HGFAC: variants seen among roughly 807,000 people sequenced by gnomAD.
HGFAC encodes the protein HGF activator.
A neutral mutation model predicts 70.6 loss-of-function variants in HGFAC; 76 were observed. The observed-to-expected ratio is 1.08, with a 90% CI of 0.89 to 1.30. The LOEUF is 1.30. Ranked by LOEUF, HGFAC falls within the 50% of genes most tolerant of loss-of-function variation. The probability of loss-of-function intolerance (pLI) is 0.00; values close to 1 mark genes in which losing one functional copy is unlikely to be tolerated. For missense variants in HGFAC, 1,044 were observed against 933.7 expected, an observed-to-expected ratio of 1.12 and a Z score of -1.54; for synonymous variants, 464 against 405.3, an observed-to-expected ratio of 1.14 and a Z score of -1.74.
Position 3,442,143 on chromosome 4 carries a change from C to A in HGFAC, c.117+25C>A. 4 of 1,519,574 alleles carry A rather than the reference C, an allele frequency of 2.6e-6. 1 individual carries two copies. The highest frequency in any genetic ancestry group is 2.5e-5 in the South Asian group (2 of 80,818). The allele number at this position is 1,519,574 out of a possible 1,614,324, so 94.1% of individuals were successfully genotyped here. On this transcript the variant is annotated intron_variant, in intron 1 of 13. Transcript: ENST00000382774. ...GGTGAGCACTGACCTTGTCGCAGTGCGACCAGAGGTTCCCAGTGGCTACTT... is the reference window on the plus strand; with the variant it reads ...GGTGAGCACTGACCTTGTCGCAGTGAGACCAGAGGTTCCCAGTGGCTACTT...
upstream of HGFAC, chr4:3,441,860 G>A (rs1188288869): frequency 1.1e-5 from 6 of 528,056 alleles, no homozygotes; most frequent in Non-Finnish European, 1.9e-5. This position sits in a 1 kb window ranked among gnomAD's most constrained non-coding sequence, Gnocchi z 6.0. Context: ...TGGGGGCCAG[G>A]GGACTCGGGG....
intron 13 of HGFAC, 80 bp from the exon 14 acceptor site, chr4:3,449,157 C>T: frequency 7.4e-7 from 1 of 1,349,438 alleles, no homozygotes; most frequent in Non-Finnish European, 1.0e-6. Context: ...GTCCTCTGTC[C>T]CCAAGCTGCC....
upstream of HGFAC, among the ~76,000 whole-genome samples, chr4:3,441,673 C>T (rs1367094988): frequency 4.6e-5 from 7 of 152,200 alleles, no homozygotes; most frequent in Non-Finnish European, 8.8e-5. This position sits in a 1 kb window ranked among gnomAD's most constrained non-coding sequence, Gnocchi z 6.0. Flanking sequence ...GGACTGGGAG[C>T]GGCGCCAGAC....
At chr4:3,444,189 G>A in intron 5 of HGFAC, 28 bp downstream of exon 5, 1 of 1,577,614 alleles carries the variant, frequency 6.3e-7, no homozygotes, top group Admixed American at 1.8e-5. Flanking sequence ...GGTCCGCAGG[G>A]GTCCAGGGGC....
upstream of HGFAC, among the ~76,000 whole-genome samples, chr4:3,441,379 G>A (rs1288396544): frequency 6.6e-6 from 1 of 152,128 alleles, no homozygotes; most frequent in Non-Finnish European, 1.5e-5. This position sits in a 1 kb window ranked among gnomAD's most constrained non-coding sequence, Gnocchi z 6.0. Context: ...AGGCAGGTGG[G>A]GCAGGATCTC....
intron 1 of HGFAC, 59 bp from the exon 2 acceptor site, chr4:3,442,673 C>T: frequency 7.9e-7 from 1 of 1,270,858 alleles, no homozygotes; most frequent in Non-Finnish European, 1.0e-6. Context: ...GACCTCCTGC[C>T]CGGCAGGACC....
In HGFAC at chr4:3,447,904, G is replaced by C. The variant is rs771906305; in HGVS notation, c.1505G>C (p.Arg502Pro). Reference protein sequence around the residue: ...NPSDHDLVLIRLKKKGDRCAT... With the variant: ...NPSDHDLVLIPLKKKGDRCAT... ...CCACTCTTCTGATCAGTCCTGATCC[G>C]GCTGAAGAAGAAAGGGGACCGCTGT... Residue 502 changes from arginine to proline, a missense_variant, in exon 12 of 14, where the codon CGG becomes CCG. Physicochemically the swap from Arg to Pro is moderately radical, Grantham distance 103 (BLOSUM62 -2). Transcript: ENST00000382774. The C allele has an allele frequency of 8.7e-6, 14 of 1,611,158 alleles. No homozygotes were observed. The highest frequency in any genetic ancestry group is 1.7e-4 in the Middle Eastern group (1 of 6,058).
Position 3,444,865 on chromosome 4 carries a change from C to T in HGFAC, c.888C>T (p.Gly296=), listed in dbSNP as rs758966957. 4.0e-5 allele frequency: 64 copies of T among 1,605,778 alleles called. No homozygotes were observed. The highest frequency in any genetic ancestry group is 4.8e-5 in the Non-Finnish European group (57 of 1,177,004). Residue 296 remains glycine, a synonymous_variant, in exon 8 of 14, where the codon GGC becomes GGT. Coordinates refer to ENST00000382774, the MANE Select transcript of HGFAC (RefSeq NM_001528.4). The stretch of plus-strand genomic sequence containing the variant: ...TGGGGAACGGCACTGGGTACCGTGG[C>T]GTGGCCAGCACCTCAGCCTCGGGCC... ...CFLGNGTGYR[G]VASTSASGLS...
At chr4:3,445,663 C>A (rs1577125872) in intron 9 of HGFAC, 1 of 607,836 alleles carries the variant, frequency 1.6e-6, no homozygotes, top group Non-Finnish European at 2.9e-6. Context: ...GCAGGCCCCC[C>A]AGAGGCCACC....
Position 3,445,281 on chromosome 4 carries a change from G to A in HGFAC, c.1033G>A (p.Glu345Lys), listed in dbSNP as rs774968126. ...HAYCRNPDND[E>K]RPWCYVVKDS... ...GCACCGCAGGAATCCGGACAATGAC[G>A]AGAGGCCCTGGTGCTACGTGGTGAA... is the stretch of plus-strand genomic sequence containing the variant. The change falls in exon 9 of 14, where the codon GAG becomes AAG. Residue 345 changes from glutamate (E) to lysine (K), a missense_variant. By Grantham distance (56) the Glu-to-Lys change is moderately conservative. Coordinates refer to ENST00000382774, the MANE Select transcript of HGFAC (RefSeq NM_001528.4). 7 of 1,584,272 alleles carry A rather than the reference G, an allele frequency of 4.4e-6. No homozygotes were observed. Among genetic ancestry groups the A allele is most frequent in the East Asian group, 4.7e-5 (2 of 42,832 alleles).
chr4:3,445,976 C>T, intron 9 of HGFAC, 66 bp from the exon 10 acceptor site: 1 of 1,589,644 alleles, frequency 6.3e-7, no homozygotes, highest in Admixed American at 1.7e-5. Flanking sequence ...CCGGGTAGGG[C>T]CTGTGTGTGG....
Position 3,447,948 on chromosome 4 carries a change from G to T in HGFAC, c.1549G>T (p.Val517Leu), listed in dbSNP as rs758089461. 33 of 1,604,974 alleles carry T rather than the reference G, an allele frequency of 2.1e-5. No individual in the cohort carries two copies. Among genetic ancestry groups the T allele is most frequent in the Middle Eastern group, 3.3e-4 (2 of 6,028 alleles). Residue 517 changes from valine to leucine, a missense_variant, in exon 12 of 14, where the codon GTG becomes TTG. Val to Leu is a conservative substitution (Grantham distance 32). Coordinates refer to ENST00000382774, the MANE Select transcript of HGFAC (RefSeq NM_001528.4). ...CCGCTGTGCCACACGCTCGCAGTTC[G>T]TGCAGCCCATCTGCCTGCCCGAGCC... ...GDRCATRSQF[V>L]QPICLPEPGS...
intron 8 of HGFAC, 111 bp downstream of exon 8, chr4:3,445,104 G>T (rs1224264890): frequency 7.4e-7 from 1 of 1,359,594 alleles, no homozygotes; most frequent in Non-Finnish European, 1.0e-6. Flanking sequence ...GTCCAGACAG[G>T]CCCCGGAACC....
chr4:3,446,233 T>G lies in HGFAC; in HGVS notation c.1294T>G (p.Cys432Gly). 1 of 1,610,664 alleles carries G rather than the reference T, an allele frequency of 6.2e-7. No individual in the cohort carries two copies. Among genetic ancestry groups the G allele is most frequent in the Non-Finnish European group, 8.5e-7 (1 of 1,179,126 alleles). ...CGCCATCTACATCGGGGACAGCTTC[T>G]GCGCCGGGAGCCTGGTCCACACCTG... ...LAAIYIGDSFCAGSLVHTCWV... is the reference protein window; with the variant it reads ...LAAIYIGDSFGAGSLVHTCWV... Residue 432 changes from cysteine (C) to glycine (G), a missense_variant, in exon 10 of 14, where the codon TGC becomes GGC. Physicochemically the swap from Cys to Gly is radical, Grantham distance 159. Coordinates refer to ENST00000382774, the MANE Select transcript of HGFAC (RefSeq NM_001528.4).
chr4:3,444,750 C>T lies in HGFAC; in HGVS notation c.841+17C>T. 6.3e-7 allele frequency: 1 copy of T among 1,579,252 alleles called. No individual in the cohort carries two copies. Among genetic ancestry groups the T allele is most frequent in the Non-Finnish European group, 8.6e-7 (1 of 1,166,496 alleles). ...GCAACATCGGTGAGTGGGTCAGCCCCCCGGGGTGCCCTGGGGCAGTGCCGG... is the reference window on the plus strand; with the variant it reads ...GCAACATCGGTGAGTGGGTCAGCCCTCCGGGGTGCCCTGGGGCAGTGCCGG... On this transcript the variant is annotated intron_variant, in intron 7 of 13. Transcript: ENST00000382774.
chr4:3,446,280 C>G lies in HGFAC; in HGVS notation c.1341C>G (p.His447Gln), dbSNP rs1335896287. ...CCTGCTGGGTGGTGTCGGCCGCCCACTGCTTCTCCCACAGGTGCACCTCCT... is the reference window on the plus strand; with the variant it reads ...CCTGCTGGGTGGTGTCGGCCGCCCAGTGCTTCTCCCACAGGTGCACCTCCT... ...VHTCWVVSAA[H>Q]CFSHSPPRDS... The change falls in exon 10 of 14, where the codon CAC (histidine) becomes CAG (glutamine). Residue 447 changes from histidine (H) to glutamine (Q), a missense_variant. By Grantham distance (24) the His-to-Gln change is conservative. Coordinates refer to ENST00000382774, the MANE Select transcript of HGFAC (RefSeq NM_001528.4). 5 of 1,607,202 alleles carry G rather than the reference C, an allele frequency of 3.1e-6. No homozygotes were observed. Among genetic ancestry groups the G allele is most frequent in the Non-Finnish European group, 4.2e-6 (5 of 1,178,026 alleles).
chr4:3,449,247 G>T lies in HGFAC; in HGVS notation c.1796G>T (p.Gly599Val), dbSNP rs1560195463. ...AACGTCTCTGCCCAGGGGGACTCAG[G>T]GGGGCCCCTGGCCTGCGAGAAGAAC... ...CKSDACQGDS[G>V]GPLACEKNGV... Residue 599 changes from glycine (G) to valine (V), a missense_variant, in exon 14 of 14, where the codon GGG (glycine) becomes GTG (valine). Coordinates refer to ENST00000382774, the MANE Select transcript of HGFAC (RefSeq NM_001528.4). The T allele has an allele frequency of 6.2e-7, 1 of 1,611,898 alleles. No individual in the cohort carries two copies. The highest frequency in any genetic ancestry group is 8.5e-7 in the Non-Finnish European group (1 of 1,179,430).
chr4:3,443,153 C>T lies in HGFAC; in HGVS notation c.395+7C>T. On this transcript the variant is annotated splice_region_variant and intron_variant, in intron 3 of 13. Coordinates refer to ENST00000382774, the MANE Select transcript of HGFAC (RefSeq NM_001528.4). ...GCAGTGCACACAGGAAGTGGTGGGT[C>T]CGGGCAGCCGGGGCACCCGAGCTGG... 1 of 1,510,696 alleles carries T rather than the reference C, an allele frequency of 6.6e-7. No individual in the cohort carries two copies. Among genetic ancestry groups the T allele is most frequent in the Non-Finnish European group, 8.8e-7 (1 of 1,130,800 alleles). The allele number at this position is 1,510,696 out of a possible 1,614,324, so 93.6% of individuals were successfully genotyped here.
rs539875034 is a variant in HGFAC, at chr4:3,443,041, T to A, written c.299-9T>A. ...AGGGAGCCCTGACCCTGCCACCCCC[T>A]CCCCACAGCACTCACCGAGGACGGG... On this transcript the variant is annotated splice_polypyrimidine_tract_variant and intron_variant, in intron 2 of 13. Transcript: ENST00000382774. The A allele has an allele frequency of 1.9e-6, 3 of 1,591,264 alleles. No individual in the cohort carries two copies. In the South Asian group the frequency reaches 3.3e-5, roughly 18 times the overall value.
Sources: gnomAD v4.1 joint callset for allele counts (sites outside exome capture counted in the v4.1 genomes callset) on GRCh38, gnomAD v4.1.1 for gene constraint, Gnocchi (gnomAD v3.1) non-coding constraint, MANE v1.5 for transcripts, NCBI Gene and HGNC (gene_info 2026-07-23, HGNC 2026-07-21) for gene names.